COP1: variants seen among roughly 807,000 people sequenced by gnomAD.
COP1 encodes the protein E3 ubiquitin-protein ligase COP1.
A neutral mutation model predicts 101.3 loss-of-function variants in COP1; 24 were observed. The ratio of observed to expected loss-of-function variants is 0.24; its 90% CI spans 0.17 to 0.33. The LOEUF (loss-of-function observed/expected upper bound fraction) is 0.33. Ranked by LOEUF, COP1 falls within the 10% of genes least tolerant of loss-of-function variation. COP1 has a pLI of 1.00. For missense variants in COP1, 663 were observed against 906.2 expected, an observed-to-expected ratio of 0.73 and a Z score of 3.45; for synonymous variants, 347 against 341.9, an observed-to-expected ratio of 1.01 and a Z score of -0.17.
intron 4 of COP1, 124 bp downstream of exon 4, chr1:176,163,691 T>G (rs1694687626): frequency 1.7e-6 from 1 of 600,986 alleles, no homozygotes; most frequent in Admixed American, 3.3e-5. Flanking sequence ...ACTAGAACAA[T>G]CCTAAACAAT....
intron 9 of COP1, among the ~76,000 whole-genome samples, chr1:176,098,758 C>A (rs774457845): frequency 8.5e-5 from 13 of 152,158 alleles, no homozygotes; most frequent in South Asian, 2.1e-4. Flanking sequence ...ATTTGGAATT[C>A]TATTTCATAA....
At chr1:176,183,705 C>T in intron 2 of COP1, among the ~76,000 whole-genome samples, 1 of 152,032 alleles carries the variant, frequency 6.6e-6, no homozygotes, top group East Asian at 1.9e-4. Flanking sequence ...AGAAGCAACC[C>T]CAGTGTATAC....
At chr1:176,068,071 G>A (rs957709854) in intron 11 of COP1, among the ~76,000 whole-genome samples, 1 of 152,160 alleles carries the variant, frequency 6.6e-6, no homozygotes, top group African/African-American at 2.4e-5. Context: ...ATGCATGTGC[G>A]GGTACAGGAG....
At chr1:176,088,785 C>A (rs767585143) in intron 9 of COP1, among the ~76,000 whole-genome samples, 10 of 150,872 alleles carry the variant, frequency 6.6e-5, no homozygotes, top group African/African-American at 1.7e-4. Context: ...CACCTGAGGT[C>A]GGCAGTTCAA....
In COP1 at chr1:176,206,616, G is replaced by A. The variant is rs765638296; in HGVS notation, c.363C>T (p.Asn121=). 26 of 1,612,010 alleles carry A rather than the reference G, an allele frequency of 1.6e-5. No individual in the cohort carries two copies. In the Admixed American group the frequency reaches 3.8e-4, roughly 24 times the overall value. ...RKRPLLAPLC[N]GLINSYEDKS... ...TGTCCTCGTAGGAGTTGATGAGCCC[G>A]TTGCAGAGGGGGGCGAGGAGAGGTC... Residue 121 remains asparagine (N), a synonymous_variant, in exon 1 of 20, where the codon AAC becomes AAT. Transcript: ENST00000367669.
intron 1 of COP1, among the ~76,000 whole-genome samples, chr1:176,197,292 G>A (rs1300829183): frequency 6.6e-6 from 1 of 152,150 alleles, no homozygotes; most frequent in Non-Finnish European, 1.5e-5. Context: ...ACACATGCCT[G>A]TAGAGCCAGC....
intron 6 of COP1, among the ~76,000 whole-genome samples, chr1:176,147,744 G>A (rs1292777290): frequency 6.6e-6 from 1 of 152,200 alleles, no homozygotes; most frequent in East Asian, 1.9e-4. Flanking sequence ...AGATGGTGTT[G>A]TGGGAGGCCA....
At chr1:176,030,662 C>T (rs1668511037) in intron 14 of COP1, among the ~76,000 whole-genome samples, 1 of 152,144 alleles carries the variant, frequency 6.6e-6, no homozygotes, top group East Asian at 1.9e-4. Context: ...ATATAACTGT[C>T]TGAGCTACAA....
At chr1:176,009,258 C>A (rs145420623) in intron 15 of COP1, among the ~76,000 whole-genome samples, 1 of 152,082 alleles carries the variant, frequency 6.6e-6, no homozygotes, top group African/African-American at 2.4e-5. Flanking sequence ...CTGTGGGTAT[C>A]GACAGGTATT....
chr1:176,113,786 T>TG (rs1685698399), intron 9 of COP1, among the ~76,000 whole-genome samples: 2 of 152,062 alleles, frequency 1.3e-5, no homozygotes, highest in South Asian at 4.1e-4. Context: ...TTCAAGAAAG[T>TG]GGGGCTTCAC....
At chr1:175,996,426 G>T (rs1449115831) in intron 15 of COP1, among the ~76,000 whole-genome samples, 3 of 151,774 alleles carry the variant, frequency 2.0e-5, no homozygotes, top group African/African-American at 7.3e-5. Flanking sequence ...GGAAATAAAG[G>T]GTATTCAATT....
intron 15 of COP1, among the ~76,000 whole-genome samples, chr1:176,008,463 TTTTA>T (rs1296430589): frequency 3.9e-5 from 6 of 152,224 alleles, no homozygotes; most frequent in African/African-American, 1.4e-4. Context: ...AATTATTTGT[TTTTA>T]TTTCTTTTTG....
At chr1:176,157,746 T>C (rs1693692621) in intron 5 of COP1, among the ~76,000 whole-genome samples, 1 of 152,184 alleles carries the variant, frequency 6.6e-6, no homozygotes, top group Non-Finnish European at 1.5e-5. Flanking sequence ...AAATTTATAA[T>C]TTCTGGCATC....
At position 176,123,480 on chromosome 1, in the gene COP1, T is replaced by C. The variant is rs188418469; in HGVS notation, c.969-6799A>G. ...AATTAAAGGGGAAAAGAGTTTCCTA[T>C]GTGACTCTAAATGACTCTAACCTGA... On this transcript the variant is annotated intron_variant, in intron 8 of 19. Transcript: ENST00000367669. 2.0e-5 allele frequency among the ~76,000 whole-genome samples: 3 copies of C among 152,294 alleles called. No homozygotes were observed. The East Asian group carries it at 5.8e-4, about 29-fold the overall frequency.
rs1692002054 is a variant in COP1 at position 176,149,011 on chromosome 1, T to C, written c.826A>G (p.Arg276Gly). ...AAACACACAAAATAATATACCTCTC[T>C]CTTATTTCTTCTTGCAACCTTGAGG... is the stretch of plus-strand genomic sequence containing the variant. Reference protein sequence around the residue: ...EFLKVARRNKREQLEQIQKEL... With the variant: ...EFLKVARRNKGEQLEQIQKEL... The change falls in exon 6 of 20, where the codon AGA becomes GGA. Residue 276 changes from arginine to glycine, a missense_variant. Around this residue, in one of 4 missense-constraint regions of COP1, gnomAD observed 212 missense variants for 240.7 expected, o/e 0.88. Coordinates refer to ENST00000367669, the MANE Select transcript of COP1 (RefSeq NM_022457.7). 6.4e-7 allele frequency: 1 copy of C among 1,569,450 alleles called. No individual in the cohort carries two copies. Among genetic ancestry groups the C allele is most frequent in the South Asian group, 1.2e-5 (1 of 86,526 alleles).
At chr1:176,073,869 A>C (rs936976103) in intron 11 of COP1, among the ~76,000 whole-genome samples, 1 of 152,240 alleles carries the variant, frequency 6.6e-6, no homozygotes, top group African/African-American at 2.4e-5. Context: ...TACAGTAAGA[A>C]TAATTATCTC....
intron 3 of COP1, among the ~76,000 whole-genome samples, chr1:176,166,807 C>T (rs758840039): frequency 1.3e-5 from 2 of 152,064 alleles, no homozygotes; most frequent in Non-Finnish European, 2.9e-5. Context: ...TGTGGTGGTA[C>T]ATGCCTGAAT....
intron 5 of COP1, among the ~76,000 whole-genome samples, chr1:176,162,470 C>T (rs908499511): frequency 2.0e-5 from 3 of 152,250 alleles, no homozygotes; most frequent in Admixed American, 2.0e-4. Flanking sequence ...CCAATGGACA[C>T]CTGCTGAAAG....
intron 15 of COP1, among the ~76,000 whole-genome samples, chr1:176,005,992 T>G (rs1260374302): frequency 1.3e-5 from 2 of 152,212 alleles, no homozygotes; most frequent in Middle Eastern, 3.2e-3. Flanking sequence ...TAAGTCTCTT[T>G]GTAGGTCACT....
Sources: gnomAD v4.1 joint callset for allele counts (sites outside exome capture counted in the v4.1 genomes callset) on GRCh38, gnomAD v4.1.1 for gene constraint, gnomAD v4.1.1 regional missense constraint, MANE v1.5 for transcripts, NCBI Gene and HGNC (gene_info 2026-07-23, HGNC 2026-07-21) for gene names.